Variants in CHI3L1 observed in about 807,000 individuals in gnomAD.
CHI3L1 encodes the protein chitinase-3-like protein 1.
A neutral mutation model predicts 40.7 loss-of-function variants in CHI3L1; 30 were observed. The observed-to-expected ratio is 0.74, with a 90% CI of 0.55 to 1.00. CHI3L1 has a LOEUF of 1.00. CHI3L1 is among the 50% of genes least tolerant of loss of function. The probability of loss-of-function intolerance (pLI) is 0.00; values close to 1 mark genes in which losing one functional copy is unlikely to be tolerated. For synonymous variants in CHI3L1, 210 were observed against 192.1 expected (o/e 1.09, Z -0.77); for missense variants, 493 against 492.2 (o/e 1.00, Z -0.01).
chr1:203,185,462 A>G, intron 2 of CHI3L1, 77 bp from the exon 3 acceptor site: 2 of 1,304,878 alleles, frequency 1.5e-6, no homozygotes, highest in Non-Finnish European at 2.2e-6. Flanking sequence ...GCTGAGCACC[A>G]ATGGGGTGTG....
At chr1:203,185,119 TG>T in intron 3 of CHI3L1, 64 bp downstream of exon 3, 1 of 1,392,624 alleles carries the variant, frequency 7.2e-7, no homozygotes, top group Non-Finnish European at 1.0e-6. Context: ...TCCTCCTGGG[TG>T]GGGTTGCCCT....
rs781063344 is a variant in CHI3L1 at position 203,183,698 on chromosome 1, G to C, written c.408C>G (p.Asp136Glu). Residue 136 changes from aspartate to glutamate, a missense_variant, in exon 5 of 10, where the codon GAC (aspartate) becomes GAG (glutamate). By Grantham distance (45) the Asp-to-Glu change is conservative. Coordinates refer to ENST00000255409, the MANE Select transcript of CHI3L1 (RefSeq NM_001276.4). ...TCCGTCCAGGGTAGAGCCAGGCAAGGTCCAGCCCATCAAAGCCATGGGTGC... is the reference window on the plus strand; with the variant it reads ...TCCGTCCAGGGTAGAGCCAGGCAAGCTCCAGCCCATCAAAGCCATGGGTGC... Reference protein sequence around the residue: ...FLRTHGFDGLDLAWLYPGRRD... With the variant: ...FLRTHGFDGLELAWLYPGRRD... 3.1e-6 allele frequency: 5 copies of C among 1,614,160 alleles called. No homozygotes were observed. The highest frequency in any genetic ancestry group is 4.2e-6 in the Non-Finnish European group (5 of 1,180,024).
rs1010080583 is a variant in CHI3L1 at position 203,179,886 on chromosome 1, A to T, written c.895-9T>A. 4 of 1,613,200 alleles carry T rather than the reference A, an allele frequency of 2.5e-6. No homozygotes were observed. Among genetic ancestry groups the T allele is most frequent in the Non-Finnish European group, 2.5e-6 (3 of 1,179,228 alleles). ...CGGAGGAAGTCACAGATCTGAGCAG[A>T]TAACAGGGAAAAGGCAGTGTGGGGA... On this transcript the variant is annotated splice_polypyrimidine_tract_variant and intron_variant, in intron 8 of 9. Coordinates refer to ENST00000255409, the MANE Select transcript of CHI3L1 (RefSeq NM_001276.4).
At chr1:203,185,992 T>C (rs1656047777) in intron 2 of CHI3L1, among the ~76,000 whole-genome samples, 1 of 152,186 alleles carries the variant, frequency 6.6e-6, no homozygotes. Flanking sequence ...TTTCTCCTGC[T>C]GCAAACAATG....
intron 7 of CHI3L1, 112 bp from the exon 8 acceptor site, chr1:203,180,764 T>A: frequency 5.3e-6 from 4 of 748,250 alleles, no homozygotes; most frequent in Non-Finnish European, 8.6e-6. Flanking sequence ...GCACTGGGGA[T>A]TCCCCTGTCC....
intron 6 of CHI3L1, chr1:203,182,004 A>C (rs958315974): frequency 2.0e-5 from 3 of 152,370 alleles, no homozygotes; most frequent in African/African-American, 4.8e-5. Flanking sequence ...GCACACCCGC[A>C]CCGGTGAGCC....
At position 203,185,416 on chromosome 1, in the gene CHI3L1, C is replaced by A. The variant is rs779401898; in HGVS notation, c.56-31G>T. On this transcript the variant is annotated intron_variant, in intron 2 of 9. Coordinates refer to ENST00000255409, the MANE Select transcript of CHI3L1 (RefSeq NM_001276.4). ...GGAGAAGTCTGGGATGGGGCCCGGG[C>A]CAGGATTCGGCAAGAGACCTCAGGC... 3.1e-6 allele frequency: 5 copies of A among 1,605,456 alleles called. No homozygotes were observed. The Admixed American group carries it at 8.3e-5, about 27-fold the overall frequency.
Position 203,181,170 on chromosome 1 carries a change from T to C in CHI3L1, c.703A>G (p.Ser235Gly). Residue 235 changes from serine to glycine, a missense_variant, in exon 7 of 10, where the codon AGC becomes GGC. Coordinates refer to ENST00000255409, the MANE Select transcript of CHI3L1 (RefSeq NM_001276.4). ...GQEDASPDRF[S>G]NTDYAVGYML... ...TCCTTCTGGGAACTCACAGTGTTGC[T>C]GAATCTGTCAGGACTTGCATCCTCC... is the stretch of plus-strand genomic sequence containing the variant. 1 of 1,614,058 alleles carries C rather than the reference T, an allele frequency of 6.2e-7. No individual in the cohort carries two copies. The highest frequency in any genetic ancestry group is 2.2e-5 in the East Asian group (1 of 44,872).
At chr1:203,180,033 A>G in intron 8 of CHI3L1, 156 bp from the exon 9 acceptor site, 1 of 675,498 alleles carries the variant, frequency 1.5e-6, no homozygotes. Flanking sequence ...ACACAAGTTT[A>G]TACAAACCAG....
intron 7 of CHI3L1, 86 bp downstream of exon 7, chr1:203,181,076 G>A (rs1655926438): frequency 1.3e-6 from 2 of 1,537,692 alleles, no homozygotes; most frequent in East Asian, 4.5e-5. Flanking sequence ...GGACTGTACT[G>A]AGGGCTAGAG....
chr1:203,184,481 C>T, intron 4 of CHI3L1, 95 bp downstream of exon 4: 1 of 997,708 alleles, frequency 1.0e-6, no homozygotes, highest in Non-Finnish European at 1.6e-6. Flanking sequence ...AGTCTGGAGC[C>T]CCTGGAACAT....
chr1:203,184,678 G>A (rs1469025660), intron 3 of CHI3L1, 46 bp from the exon 4 acceptor site: 2 of 1,534,472 alleles, frequency 1.3e-6, no homozygotes, highest in Middle Eastern at 1.7e-4. Flanking sequence ...GAATGACATT[G>A]TCATGACACT....
At position 203,181,222 on chromosome 1, in the gene CHI3L1, G is replaced by C. The variant is rs1310193124; in HGVS notation, c.651C>G (p.Gly217=). ...DFHGAWRGTT[G]HHSPLFRGQE... ...GACCTCGGAACAGGGGACTGTGATG[G>C]CCTGTGGTCCCACGCCAGGCTCCAT... Residue 217 remains glycine (G), a synonymous_variant, in exon 7 of 10, where the codon GGC becomes GGG. Coordinates refer to ENST00000255409, the MANE Select transcript of CHI3L1 (RefSeq NM_001276.4). The C allele has an allele frequency of 6.2e-7, 1 of 1,614,146 alleles. No individual in the cohort carries two copies. Among genetic ancestry groups the C allele is most frequent in the South Asian group, 1.1e-5 (1 of 91,080 alleles).
Position 203,179,725 on chromosome 1 carries a change from C to T in CHI3L1, c.1011+36G>A, listed in dbSNP as rs201199973. The stretch of plus-strand genomic sequence containing the variant: ...TGCTGGGAGCGGGGCCTCCTTCTTT[C>T]TCTTTGTCCTGAGGTGTGGCCTTGG... On this transcript the variant is annotated intron_variant, in intron 9 of 9. Coordinates refer to ENST00000255409, the MANE Select transcript of CHI3L1 (RefSeq NM_001276.4). 3 of 1,614,194 alleles carry T rather than the reference C, an allele frequency of 1.9e-6. No homozygotes were observed. The Admixed American group carries it at 5.0e-5, about 27-fold the overall frequency.
At position 203,183,632 on chromosome 1, in the gene CHI3L1, G is replaced by T; in HGVS notation, c.465+9C>A. The T allele has an allele frequency of 6.2e-7, 1 of 1,613,918 alleles. No individual in the cohort carries two copies. Among genetic ancestry groups the T allele is most frequent in the South Asian group, 1.1e-5 (1 of 91,050 alleles). ...CCACCTCCCTCCCTGTCCCTGACCT[G>T]ACCAGCACCTTGATTAGGGTGGTAA... On this transcript the variant is annotated intron_variant, in intron 5 of 9. Transcript: ENST00000255409.
chr1:203,179,541 C>T lies in CHI3L1; in HGVS notation c.1056G>A (p.Trp352Ter). Residue 352 changes from tryptophan (W) to a stop codon, truncating the protein, a stop_gained, in exon 10 of 10, where the codon TGG becomes TGA. Transcript: ENST00000255409. LOFTEE classifies it low-confidence loss of function (END_TRUNC). ...KDRQLAGAMV[W>*]ALDLDDFQGS... ...CCTGGAAGTCATCCAGGTCCAGGGCCCATACCATGGCGCCCGCCAGCTGCC... is the reference window on the plus strand; with the variant it reads ...CCTGGAAGTCATCCAGGTCCAGGGCTCATACCATGGCGCCCGCCAGCTGCC... The T allele has an allele frequency of 6.2e-7, 1 of 1,607,060 alleles. No homozygotes were observed.
chr1:203,180,959 C>T (rs1655923867), intron 7 of CHI3L1, among the ~76,000 whole-genome samples: 1 of 152,234 alleles, frequency 6.6e-6, no homozygotes, highest in Admixed American at 6.5e-5. Context: ...CCCCTGCCCT[C>T]ACTCCATTTA....
chr1:203,182,008 G>T (rs1480587163), intron 6 of CHI3L1: 1 of 152,438 alleles, frequency 6.6e-6, no homozygotes, highest in Non-Finnish European at 1.5e-5. Context: ...ACCCGCACCG[G>T]TGAGCCCACT....
At chr1:203,183,180 G>A (rs1558148750) in intron 5 of CHI3L1, among the ~76,000 whole-genome samples, 1 of 152,190 alleles carries the variant, frequency 6.6e-6, no homozygotes, top group Non-Finnish European at 1.5e-5. Flanking sequence ...TCTGTGCTTT[G>A]TTCTAGCTGG....
Sources: allele counts gnomAD v4.1 joint callset (sites outside exome capture counted in the v4.1 genomes callset), GRCh38; gene constraint gnomAD v4.1.1; transcripts MANE v1.5; gene names NCBI Gene and HGNC (gene_info 2026-07-23, HGNC 2026-07-21).